Variants in MARK1 observed in about 807,000 individuals in gnomAD.
MARK1 encodes microtubule affinity regulating kinase 1.
MARK1 carries 40 observed loss-of-function variants against 96.3 expected under a neutral mutation model. That is an observed-to-expected ratio of 0.42 (90% CI 0.32 to 0.54). The LOEUF (loss-of-function observed/expected upper bound fraction) is 0.54, where lower values mean the gene tolerates loss of function less well. Ranked by LOEUF, MARK1 falls within the 20% of genes least tolerant of loss-of-function variation. MARK1 has a pLI of 0.16. For missense variants in MARK1, 719 were observed against 984.6 expected (o/e 0.73, Z 3.61); for synonymous variants, 317 against 341.2 (o/e 0.93, Z 0.78).
At chr1:220,650,578 T>C in intron 13 of MARK1, 42 bp from the exon 14 acceptor site, 2 of 1,293,664 alleles carry the variant, frequency 1.5e-6, no homozygotes, top group South Asian at 1.3e-5. Context: ...TTTCCACAAA[T>C]ATATTTATAA....
intron 13 of MARK1, among the ~76,000 whole-genome samples, chr1:220,638,391 G>A (rs182402850): frequency 6.6e-6 from 1 of 152,086 alleles, no homozygotes; most frequent in Admixed American, 6.5e-5. Context: ...TTGTCTCCTG[G>A]ACAGAATCTT....
Position 220,528,832 on chromosome 1 carries a change from C to G in MARK1, c.10C>G (p.Arg4Gly). MSA[R>G]TPLPTVNERD... Reference sequence around the variant, plus strand: ...CCGCTGCCCGCACAAAATGTCGGCCCGGACGCCATTGCCGACGGTGAACGA... The same window carrying G: ...CCGCTGCCCGCACAAAATGTCGGCCGGGACGCCATTGCCGACGGTGAACGA... The change falls in exon 1 of 18, where the codon CGG (arginine) becomes GGG (glycine). Residue 4 changes from arginine to glycine, a missense_variant. Coordinates refer to ENST00000366917, the MANE Select transcript of MARK1 (RefSeq NM_018650.5). 6.4e-7 allele frequency: 1 copy of G among 1,563,828 alleles called. No individual in the cohort carries two copies. Among genetic ancestry groups the G allele is most frequent in the South Asian group, 1.2e-5 (1 of 84,970 alleles).
At chr1:220,626,049 C>T in intron 9 of MARK1, 1 of 571,328 alleles carries the variant, frequency 1.8e-6, no homozygotes, top group Non-Finnish European at 3.4e-6. Flanking sequence ...TATTCAATGG[C>T]CTGTTTGAAT....
At chr1:220,625,787 C>G (rs149024777) in intron 9 of MARK1, 1 of 454,186 alleles carries the variant, frequency 2.2e-6, no homozygotes, top group East Asian at 6.6e-5. Flanking sequence ...ACTACTACGA[C>G]GGGGATGTTG....
At chr1:220,588,377 A>G (rs904830343) in intron 3 of MARK1, among the ~76,000 whole-genome samples, 1 of 152,222 alleles carries the variant, frequency 6.6e-6, no homozygotes, top group Non-Finnish European at 1.5e-5. Flanking sequence ...AAACTTTGGG[A>G]AACTGACACA....
chr1:220,657,804 G>A lies in MARK1; in HGVS notation c.2003G>A (p.Gly668Asp). Residue 668 changes from glycine (G) to aspartate (D), a missense_variant, in exon 17 of 18, where the codon GGC becomes GAC. Physicochemically the swap from Gly to Asp is moderately conservative, Grantham distance 94. Around this residue, in one of 4 missense-constraint regions of MARK1, gnomAD observed 501 missense variants for 588.3 expected, o/e 0.85. Coordinates refer to ENST00000366917, the MANE Select transcript of MARK1 (RefSeq NM_018650.5). ...SKFVRRDPSEGEASGRTDTSR... is the reference protein window; with the variant it reads ...SKFVRRDPSEDEASGRTDTSR... Reference sequence around the variant, plus strand: ...TTTGTTTTGAGGGATCCAAGTGAAGGCGAAGCCAGTGGCAGAACCGACACC... The same window carrying A: ...TTTGTTTTGAGGGATCCAAGTGAAGACGAAGCCAGTGGCAGAACCGACACC... The A allele has an allele frequency of 6.3e-7, 1 of 1,575,804 alleles. No individual in the cohort carries two copies. The highest frequency in any genetic ancestry group is 8.6e-7 in the Non-Finnish European group (1 of 1,165,840).
chr1:220,650,994 A>G (rs1668844464), intron 14 of MARK1, among the ~76,000 whole-genome samples: 2 of 152,154 alleles, frequency 1.3e-5, no homozygotes, highest in African/African-American at 4.8e-5. Context: ...AGATCATACC[A>G]TCCTAATTTC....
intron 1 of MARK1, among the ~76,000 whole-genome samples, chr1:220,578,963 C>T (rs1664047895): frequency 6.6e-6 from 1 of 152,156 alleles, no homozygotes; most frequent in South Asian, 2.1e-4. Flanking sequence ...CTCCCTCAGC[C>T]TCCTGAGTAG....
intron 1 of MARK1, among the ~76,000 whole-genome samples, chr1:220,568,290 A>C (rs974367551): frequency 6.6e-6 from 1 of 152,168 alleles, no homozygotes. Flanking sequence ...TGCAAAGATG[A>C]GATTTAAGCA....
chr1:220,539,214 A>G (rs1323001922), intron 1 of MARK1, among the ~76,000 whole-genome samples: 1 of 151,754 alleles, frequency 6.6e-6, no homozygotes, highest in Non-Finnish European at 1.5e-5. Context: ...TTTGTCATAG[A>G]TAGCTCTTAT....
At chr1:220,548,749 C>G (rs1366248337) in intron 1 of MARK1, among the ~76,000 whole-genome samples, 1 of 151,616 alleles carries the variant, frequency 6.6e-6, no homozygotes, top group Non-Finnish European at 1.5e-5. Context: ...AGTAAGACTC[C>G]CATCTCAGAA....
chr1:220,574,092 ATCTG>A (rs1434146078), intron 1 of MARK1, among the ~76,000 whole-genome samples: 3 of 152,126 alleles, frequency 2.0e-5, no homozygotes, highest in Admixed American at 6.5e-5. Flanking sequence ...AGTGAATCAT[ATCTG>A]TCTGTTCCTT....
intron 1 of MARK1, among the ~76,000 whole-genome samples, chr1:220,532,678 G>A (rs1186383038): frequency 6.6e-6 from 1 of 152,052 alleles, no homozygotes; most frequent in African/African-American, 2.4e-5. Context: ...CTGTTACTTC[G>A]AGAAAGTGTT....
chr1:220,649,505 A>T (rs924639151), intron 13 of MARK1, among the ~76,000 whole-genome samples: 3 of 152,192 alleles, frequency 2.0e-5, no homozygotes, highest in African/African-American at 7.2e-5. Context: ...TTAGGATTAG[A>T]GGCATGAGCC....
intron 14 of MARK1, 53 bp downstream of exon 14, chr1:220,650,773 G>C (rs12123306): frequency 0.39 from 505,281 of 1,290,342 alleles, 109,692 homozygotes; most frequent in Non-Finnish European, 0.45. Flanking sequence ...CTGTGTTAGT[G>C]CCCTTGCTGA....
chr1:220,624,023 AG>A (rs1572192007), intron 9 of MARK1, among the ~76,000 whole-genome samples: 1 of 152,164 alleles, frequency 6.6e-6, no homozygotes, highest in African/African-American at 2.4e-5. Flanking sequence ...GTATTCAAAT[AG>A]TTTTGGCTGA....
chr1:220,571,924 G>A (rs572518411), intron 1 of MARK1: 1 of 152,258 alleles, frequency 6.6e-6, no homozygotes, highest in South Asian at 2.1e-4. Context: ...TGAACTTAGT[G>A]CAAACACCAG....
At chr1:220,625,517 A>G (rs1034003872) in intron 9 of MARK1, among the ~76,000 whole-genome samples, 2 of 152,222 alleles carry the variant, frequency 1.3e-5, no homozygotes, top group African/African-American at 2.4e-5. Context: ...TCAGGGTGCC[A>G]TGAAAGAGAG....
intron 3 of MARK1, among the ~76,000 whole-genome samples, chr1:220,587,337 CTCTCTCTCTCTCTCTG>C (rs1300406278): frequency 6.8e-5 from 10 of 146,560 alleles, no homozygotes; most frequent in East Asian, 2.2e-4. Context: ...CTTTCTCTCT[CTCTCTCTCTCTCTCTG>C]TCTCTCTCTC....
Sources: gnomAD v4.1 joint callset for allele counts (sites outside exome capture counted in the v4.1 genomes callset) on GRCh38, gnomAD v4.1.1 for gene constraint, gnomAD v4.1.1 regional missense constraint, MANE v1.5 for transcripts, NCBI Gene and HGNC (gene_info 2026-07-23, HGNC 2026-07-21) for gene names.